Variants in DMD observed in about 807,000 individuals in gnomAD.
DMD encodes mutant dystrophin.
A neutral mutation model predicts 330.1 loss-of-function variants in DMD; 63 were observed. The observed-to-expected ratio is 0.19, with a 90% CI of 0.16 to 0.24. The LOEUF is 0.24. Ranked by LOEUF, DMD falls within the 10% of genes least tolerant of loss-of-function variation. The pLI is 1.00. For missense variants in DMD, 3,344 were observed against 2,684.1 expected, an observed-to-expected ratio of 1.25 and a Z score of -5.43; for synonymous variants, 1,223 against 959.8, an observed-to-expected ratio of 1.27 and a Z score of -5.07.
intron 9 of DMD, among the ~76,000 whole-genome samples, chrX:32,653,443 G>A (rs1380798355): frequency 9.0e-6 from 1 of 111,539 alleles, no homozygotes; most frequent in African/African-American, 3.3e-5. Flanking sequence ...GTTTTTCTCA[G>A]GTTTGTCAAA....
intron 17 of DMD, among the ~76,000 whole-genome samples, chrX:32,535,287 C>T (rs966002237): frequency 2.7e-5 from 3 of 111,886 alleles, no homozygotes; most frequent in African/African-American, 9.8e-5. Context: ...CTATTCCCCA[C>T]ATTTCTTCTG....
At chrX:31,672,342 C>A (rs780960009) in intron 53 of DMD, among the ~76,000 whole-genome samples, 3 of 112,038 alleles carry the variant, frequency 2.7e-5, no homozygotes, top group Non-Finnish European at 5.6e-5. Flanking sequence ...GAGAATATTT[C>A]GTGTACAGTT....
At position 32,802,743 on chromosome X, in the gene DMD, T is replaced by A. The variant is rs764575129; in HGVS notation, c.649+6750A>T. Among the ~76,000 whole-genome samples the A allele has an allele frequency of 2.2e-3, 244 of 112,263 alleles. 1 individual carries two copies. The highest frequency in any genetic ancestry group is 7.6e-3 in the African/African-American group (234 of 30,894). ...TATTGAGATAATCATGTGGTTTTTG[T>A]CATTGGTTCTGTTTATGTGATGGAT... On this transcript the variant is annotated intron_variant, in intron 7 of 78. Transcript: ENST00000357033.
intron 60 of DMD, among the ~76,000 whole-genome samples, chrX:31,434,009 G>T (rs978386575): frequency 6.3e-5 from 7 of 111,520 alleles, no homozygotes; most frequent in African/African-American, 2.0e-4. Context: ...AGTAGATGTG[G>T]TATTCAGGGC....
chrX:32,356,952 C>T lies in DMD; in HGVS notation c.5325+5836G>A, dbSNP rs776577856. 3.6e-5 allele frequency among the ~76,000 whole-genome samples: 4 copies of T among 111,148 alleles called. No homozygotes were observed. The East Asian group carries it at 8.5e-4, about 24-fold the overall frequency. ...TCGCCCAGGCTGGGGTGCAGTGGTG[C>T]GATCTCGGCTCACTGCAACCTCCGC... On this transcript the variant is annotated intron_variant, in intron 37 of 78. Transcript: ENST00000357033.
intron 69 of DMD, among the ~76,000 whole-genome samples, 187 bp from the exon 70 acceptor site, chrX:31,178,992 G>C (rs1396019294): frequency 9.0e-6 from 1 of 111,669 alleles, no homozygotes; most frequent in Admixed American, 9.5e-5. Context: ...ATTTGGCTGA[G>C]TTATTTACTT....
chrX:32,116,955 C>T (rs1332220283), intron 44 of DMD, among the ~76,000 whole-genome samples: 1 of 111,756 alleles, frequency 8.9e-6, no homozygotes, highest in East Asian at 2.8e-4. Flanking sequence ...TAAACTTTGT[C>T]TTTTCTATTG....
chrX:32,020,139 A>G (rs928381054), intron 44 of DMD, among the ~76,000 whole-genome samples: 17 of 112,687 alleles, frequency 1.5e-4, no homozygotes, highest in African/African-American at 5.5e-4. Context: ...TGGCACATCA[A>G]CAAAGCCTGT....
intron 13 of DMD, among the ~76,000 whole-genome samples, chrX:32,579,926 A>G (rs2053472046): frequency 8.9e-6 from 1 of 112,024 alleles, no homozygotes; most frequent in African/African-American, 3.2e-5. Flanking sequence ...TATTTGTGTG[A>G]GTATACAAAG....
intron 44 of DMD, among the ~76,000 whole-genome samples, chrX:32,110,675 A>G (rs2096585380): frequency 9.0e-6 from 1 of 111,134 alleles, no homozygotes; most frequent in African/African-American, 3.3e-5. Context: ...TAGCTACACT[A>G]GGGGGAAAAA....
chrX:33,010,034 GTATATA>G lies in DMD; in HGVS notation c.93+10099_93+10104del, dbSNP rs2093643342. Among the ~76,000 whole-genome samples, 8 of 54,608 alleles carry G rather than the reference GTATATA, an allele frequency of 1.5e-4. 1 individual carries two copies. The highest frequency in any genetic ancestry group is 8.5e-4 in the Admixed American group (5 of 5,897). The allele number at this position is 54,608 out of a possible 115,157, so 47.4% of individuals were successfully genotyped here. ...TATATACACATATGTGTGTACATGT[GTATATA>G]CACATGTGTATATATACGTGTATAT... On this transcript the variant is annotated intron_variant, in intron 2 of 78. Transcript: ENST00000357033.
At chrX:32,737,439 C>A (rs979974049) in intron 7 of DMD, among the ~76,000 whole-genome samples, 2 of 110,536 alleles carry the variant, frequency 1.8e-5, no homozygotes, top group Non-Finnish European at 3.8e-5. Context: ...TAGACCACAG[C>A]CAGTCTGTCT....
intron 2 of DMD, among the ~76,000 whole-genome samples, chrX:32,873,222 C>T (rs1462482091): frequency 9.0e-6 from 1 of 110,624 alleles, no homozygotes. Flanking sequence ...CCCCCCTCCT[C>T]CTTTTAAAAG....
chrX:33,339,295 G>A (rs1482404187), exon 1 of DMD: 1 of 1,026,063 alleles, frequency 9.7e-7, no homozygotes, highest in Non-Finnish European at 1.3e-6. Context: ...ACTCCATCAT[G>A]CCAATAAGTT....
intron 4 of DMD, among the ~76,000 whole-genome samples, chrX:32,832,724 A>C (rs751538384): frequency 8.9e-6 from 1 of 111,873 alleles, no homozygotes; most frequent in South Asian, 3.7e-4. Flanking sequence ...CACTGTTTAA[A>C]ATTTCAAGAC....
chrX:32,415,226 C>A (rs978341856), intron 29 of DMD, among the ~76,000 whole-genome samples: 1 of 111,962 alleles, frequency 8.9e-6, no homozygotes, highest in African/African-American at 3.2e-5. Flanking sequence ...ACATATCTAG[C>A]CTCAAAATTC....
At position 31,817,043 on chromosome X, in the gene DMD, G is replaced by GCTTT. The variant is rs757955709; in HGVS notation, c.7309+2928_7309+2931dup. ...TGTGGACTGAAACCCTTGCTTGCTT[G>GCTTT]CTTTCTAGCTGTGTGGCCTTAATCT... On this transcript the variant is annotated intron_variant, in intron 50 of 78. Transcript: ENST00000357033. 1.1e-4 allele frequency among the ~76,000 whole-genome samples: 12 copies of GCTTT among 111,403 alleles called. No individual in the cohort carries two copies. The South Asian group carries it at 4.6e-3, about 43-fold the overall frequency.
intron 44 of DMD, among the ~76,000 whole-genome samples, chrX:32,023,914 A>G (rs2095825940): frequency 9.0e-6 from 1 of 111,041 alleles, no homozygotes; most frequent in Non-Finnish European, 1.9e-5. Context: ...AGACAGGAAC[A>G]ATAGACACTG....
intron 55 of DMD, among the ~76,000 whole-genome samples, chrX:31,618,168 C>A (rs1428426529): frequency 1.8e-5 from 2 of 108,117 alleles, no homozygotes; most frequent in East Asian, 5.8e-4. Flanking sequence ...CACCAAACTC[C>A]CATGACATGC....
Sources: gnomAD v4.1 joint callset for allele counts (sites outside exome capture counted in the v4.1 genomes callset) on GRCh38, gnomAD v4.1.1 for gene constraint, MANE v1.5 for transcripts, NCBI Gene and HGNC (gene_info 2026-07-23, HGNC 2026-07-21) for gene names.